The following KIF13B variants were observed in gnomAD, a reference collection of about 807,000 sequenced individuals.
The protein encoded by KIF13B is kinesin family member 13B.
A neutral mutation model predicts 222.0 loss-of-function variants in KIF13B; 127 were observed. The observed-to-expected ratio is 0.57, with a 90% CI of 0.50 to 0.66. KIF13B has a LOEUF of 0.66. Among genes scored for constraint, KIF13B ranks in the 30% least tolerant of loss-of-function variants. The probability of loss-of-function intolerance (pLI) is 0.00; values close to 1 mark genes in which losing one functional copy is unlikely to be tolerated. For missense variants in KIF13B, 2,173 were observed against 2,379.0 expected (o/e 0.91, Z 1.80); for synonymous variants, 976 against 919.0 (o/e 1.06, Z -1.12).
chr8:29,252,616 T>C (rs374498922), intron 1 of KIF13B, among the ~76,000 whole-genome samples: 4 of 152,228 alleles, frequency 2.6e-5, no homozygotes, highest in East Asian at 3.8e-4. Context: ...ACCGCAAACT[T>C]TGCATGCCAC....
intron 2 of KIF13B, among the ~76,000 whole-genome samples, chr8:29,218,308 G>A (rs1213199485): frequency 6.6e-6 from 1 of 152,186 alleles, no homozygotes; most frequent in Non-Finnish European, 1.5e-5. Context: ...GGTTAACCAT[G>A]ACTACAACCT....
chr8:29,124,488 T>C (rs546259972), intron 26 of KIF13B, among the ~76,000 whole-genome samples: 9 of 151,472 alleles, frequency 5.9e-5, no homozygotes, highest in East Asian at 5.9e-4. Context: ...TGGCTCACAC[T>C]TGTAATCCCA....
At chr8:29,214,405 A>G (rs540270272) in intron 2 of KIF13B, among the ~76,000 whole-genome samples, 74 of 152,310 alleles carry the variant, frequency 4.9e-4, no homozygotes, top group African/African-American at 1.5e-3. Flanking sequence ...TAAAAACCTA[A>G]AACACACACA....
At chr8:29,123,342 C>A in intron 28 of KIF13B, 24 bp downstream of exon 28, 1 of 1,612,640 alleles carries the variant, frequency 6.2e-7, no homozygotes, top group Non-Finnish European at 8.5e-7. Flanking sequence ...TCAGACCTCA[C>A]AAGACGCACC....
intron 4 of KIF13B, 194 bp downstream of exon 4, chr8:29,190,803 C>T (rs1551480): frequency 0.15 from 92,690 of 604,046 alleles, 7,900 homozygotes; most frequent in African/African-American, 0.25. Context: ...CAGTGTCTGC[C>T]GCTTGGGGTG....
intron 37 of KIF13B, among the ~76,000 whole-genome samples, chr8:29,091,600 A>ATC (rs1808302502): frequency 6.6e-6 from 1 of 152,374 alleles, no homozygotes; most frequent in East Asian, 1.9e-4. Flanking sequence ...CAGTTCATGA[A>ATC]TCACACTTTG....
At position 29,071,612 on chromosome 8, in the gene KIF13B, G is replaced by C. The variant is rs1290039631; in HGVS notation, c.5218+8C>G. ...ACCACCCTGGAGCCCGGAGTGCCCG[G>C]TACCCACCTGAGGGCAGGTCGAGCT... On this transcript the variant is annotated splice_region_variant and intron_variant, in intron 39 of 39. Transcript: ENST00000524189. The surrounding 1 kb of genome is among the most constrained non-coding windows in gnomAD (Gnocchi z 4.9). 6 of 1,548,184 alleles carry C rather than the reference G, an allele frequency of 3.9e-6. No individual in the cohort carries two copies. The highest frequency in any genetic ancestry group is 5.2e-6 in the Non-Finnish European group (6 of 1,147,024).
chr8:29,098,484 T>C (rs994327123), intron 36 of KIF13B, among the ~76,000 whole-genome samples: 3 of 150,758 alleles, frequency 2.0e-5, no homozygotes, highest in Non-Finnish European at 4.4e-5. Context: ...GCGCCTGTAA[T>C]CCCAGCTACT....
chr8:29,075,455 T>A, intron 37 of KIF13B, 112 bp from the exon 38 acceptor site: 1 of 946,734 alleles, frequency 1.1e-6, no homozygotes. Context: ...AATCGGCCCA[T>A]CAGGTGTGCG....
chr8:29,226,625 G>A (rs751616392), intron 2 of KIF13B, among the ~76,000 whole-genome samples: 1 of 152,190 alleles, frequency 6.6e-6, no homozygotes, highest in Non-Finnish European at 1.5e-5. Flanking sequence ...TTGCTGGTCA[G>A]AATGATTTAA....
At chr8:29,190,737 G>A (rs2130346709) in intron 4 of KIF13B, 1 of 448,222 alleles carries the variant, frequency 2.2e-6, no homozygotes, top group South Asian at 2.4e-5. Context: ...TCAGTCTGTG[G>A]ATCTGACGCT....
intron 12 of KIF13B, 86 bp downstream of exon 12, chr8:29,165,576 G>A (rs1407082213): frequency 5.0e-6 from 4 of 795,628 alleles, no homozygotes; most frequent in East Asian, 2.5e-5. Context: ...CCAAGCTGAA[G>A]ATCAAAAAGG....
chr8:29,132,996 T>G (rs1310770420), intron 22 of KIF13B, among the ~76,000 whole-genome samples: 2 of 152,234 alleles, frequency 1.3e-5, no homozygotes, highest in African/African-American at 4.8e-5. Context: ...GATTTAGCTC[T>G]AAAACAGTTT....
chr8:29,161,307 C>T (rs1052589398), intron 12 of KIF13B, among the ~76,000 whole-genome samples: 3 of 152,206 alleles, frequency 2.0e-5, no homozygotes, highest in South Asian at 2.1e-4. Context: ...GTAAGGATCA[C>T]AAGGCCCTTC....
At chr8:29,228,540 AC>A (rs1563808364) in intron 2 of KIF13B, among the ~76,000 whole-genome samples, 1 of 149,844 alleles carries the variant, frequency 6.7e-6, no homozygotes, top group African/African-American at 2.5e-5. Flanking sequence ...AGACTAACAA[AC>A]CTAGCATCCT....
rs1412642018 is a variant in KIF13B, at chr8:29,124,078, T to C, written c.3298A>G (p.Thr1100Ala). The stretch of plus-strand genomic sequence containing the variant: ...TGATCCAAGTACTCCTGACGTTTTG[T>C]TAATGCATTTAGCCATTTTCTACGA... Reference protein sequence around the residue: ...RLRRKWLNALTKRQEYLDQQL... With the variant: ...RLRRKWLNALAKRQEYLDQQL... The change falls in exon 27 of 40, where the codon ACA becomes GCA. Residue 1100 changes from threonine to alanine, a missense_variant. Physicochemically the swap from Thr to Ala is moderately conservative, Grantham distance 58. Coordinates refer to ENST00000524189, the MANE Select transcript of KIF13B (RefSeq NM_015254.4). 1.9e-6 allele frequency: 3 copies of C among 1,613,298 alleles called. No homozygotes were observed. The African/African-American group carries it at 4.0e-5, about 22-fold the overall frequency.
intron 37 of KIF13B, among the ~76,000 whole-genome samples, chr8:29,075,647 C>G (rs1807523279): frequency 6.6e-6 from 1 of 152,184 alleles, no homozygotes; most frequent in African/African-American, 2.4e-5. Flanking sequence ...CCTGTACAGA[C>G]AAGCATTATG....
At chr8:29,181,130 T>C (rs1812694975) in intron 7 of KIF13B, among the ~76,000 whole-genome samples, 1 of 152,202 alleles carries the variant, frequency 6.6e-6, no homozygotes, top group South Asian at 2.1e-4. Context: ...CATCTGGGAA[T>C]TCTCCTTAAG....
chr8:29,258,518 T>G (rs527773550), intron 1 of KIF13B, among the ~76,000 whole-genome samples: 12 of 152,184 alleles, frequency 7.9e-5, no homozygotes, highest in Non-Finnish European at 1.5e-4. Flanking sequence ...TTTCAGGGCT[T>G]CCTGCAATCC....
Sources: allele counts gnomAD v4.1 joint callset (sites outside exome capture counted in the v4.1 genomes callset), GRCh38; gene constraint gnomAD v4.1.1; non-coding constraint Gnocchi (gnomAD v3.1); transcripts MANE v1.5; gene names NCBI Gene and HGNC (gene_info 2026-07-23, HGNC 2026-07-21).